The following NME9 variants were observed in gnomAD, a reference collection of about 807,000 sequenced individuals.
NME9 encodes thioredoxin domain-containing protein 6.
In NME9, 48 loss-of-function variants were observed where a neutral mutation model predicts 44.4. That is an observed-to-expected ratio of 1.08 (90% CI 0.86 to 1.37). The LOEUF (loss-of-function observed/expected upper bound fraction) is 1.37, where lower values mean the gene tolerates loss of function less well. Among genes scored for constraint, NME9 ranks in the 40% most tolerant of loss-of-function variants. The pLI, the probability that NME9 is intolerant of heterozygous loss-of-function variation, is 0.00. For synonymous variants in NME9, 139 were observed against 147.1 expected (o/e 0.94, Z 0.40); for missense variants, 325 against 405.2 (o/e 0.80, Z 1.70).
At position 138,303,339 on chromosome 3, in the gene NME9, T is replaced by C. The variant is rs2051976894; in HGVS notation, c.928+168A>G. On this transcript the variant is annotated intron_variant, in intron 10 of 10. Transcript: ENST00000333911. ...TGCTCTATGAGAACACAAAACAGTT[T>C]AGTATTGATAATCAAGTTATATAAT... The C allele has an allele frequency of 1.2e-5, 6 of 511,310 alleles. No homozygotes were observed. In the East Asian group the frequency reaches 1.7e-4, roughly 14 times the overall value. 31.7% of individuals were successfully genotyped at this position (511,310 alleles called of 1,614,324 possible). A position where few individuals can be genotyped will look rare whatever the true frequency, so the allele number is the denominator to read the frequency against.
At chr3:138,284,573 T>TTG in intron 8 of NME9, 4 of 1,368,534 alleles carry the variant, frequency 2.9e-6, no homozygotes, top group Non-Finnish European at 4.2e-6. Context: ...GCAGGGACTG[T>TTG]TGCATTTTTA....
At chr3:138,325,274 C>G (rs139693574) in intron 1 of NME9, among the ~76,000 whole-genome samples, 162 of 152,272 alleles carry the variant, frequency 1.1e-3, no homozygotes, top group African/African-American at 3.5e-3. Context: ...CACTCAGTAT[C>G]AGAATTAAGT....
intron 8 of NME9, chr3:138,272,947 A>G (rs760137533): frequency 1.3e-6 from 2 of 1,512,108 alleles, no homozygotes; most frequent in East Asian, 4.7e-5. Flanking sequence ...TGATTCTTGC[A>G]ACTTCTTTAA....
At chr3:138,289,462 G>GT (rs1363269397) in intron 8 of NME9, among the ~76,000 whole-genome samples, 22 of 152,326 alleles carry the variant, frequency 1.4e-4, no homozygotes, top group African/African-American at 4.8e-4. Context: ...TGAGCCTTTC[G>GT]TTTTGAGCAG....
chr3:138,299,520 T>A (rs551073976), downstream of NME9, among the ~76,000 whole-genome samples: 18 of 152,002 alleles, frequency 1.2e-4, no homozygotes, highest in African/African-American at 4.3e-4. Context: ...CCTCTGGGAG[T>A]GGGCTGATAT....
intron 8 of NME9, among the ~76,000 whole-genome samples, chr3:138,268,711 G>A (rs1272559524): frequency 6.6e-6 from 1 of 152,010 alleles, no homozygotes; most frequent in Non-Finnish European, 1.5e-5. Flanking sequence ...GGGAATTTGA[G>A]GTTGCAATGA....
chr3:138,274,177 A>G (rs1210941102), intron 8 of NME9, among the ~76,000 whole-genome samples: 6 of 151,590 alleles, frequency 4.0e-5, no homozygotes, highest in Admixed American at 1.3e-4. Flanking sequence ...TTGTGCTTTC[A>G]TATTCTGTCA....
intron 8 of NME9, among the ~76,000 whole-genome samples, chr3:138,282,049 G>GC (rs899653761): frequency 1.2e-4 from 19 of 152,278 alleles, no homozygotes; most frequent in Middle Eastern, 3.4e-3. Context: ...TCCATGTGCT[G>GC]CCCCCGCTCC....
rs554313750 is a variant in NME9 at position 138,292,220 on chromosome 3, A to G, written c.745+11287T>C. On this transcript the variant is annotated intron_variant, in intron 8 of 8. Transcript: ENST00000317876. Reference sequence around the variant, plus strand: ...GCCCAGCTAATTTTTTTGTATTTTTAGTAGAGACAGGGTTTTACCATGTTG... The same window carrying G: ...GCCCAGCTAATTTTTTTGTATTTTTGGTAGAGACAGGGTTTTACCATGTTG... Among the ~76,000 whole-genome samples, 65 of 152,202 alleles carry G rather than the reference A, an allele frequency of 4.3e-4. 1 individual carries two copies. Among genetic ancestry groups the G allele is most frequent in the African/African-American group, 1.3e-3 (55 of 41,528 alleles).
At chr3:138,308,267 C>T (rs565548580) in intron 6 of NME9, among the ~76,000 whole-genome samples, 18 of 152,250 alleles carry the variant, frequency 1.2e-4, no homozygotes, top group Admixed American at 3.3e-4. Context: ...AATTCTTATT[C>T]TCCACACATG....
At chr3:138,264,415 T>C (rs2048059742) in intron 8 of NME9, among the ~76,000 whole-genome samples, 1 of 114,618 alleles carries the variant, frequency 8.7e-6, no homozygotes, top group African/African-American at 3.5e-5. Context: ...TTTCTTTCTT[T>C]TTTTTTTTTT....
chr3:138,263,957 A>G, intron 8 of NME9: 3 of 978,412 alleles, frequency 3.1e-6, no homozygotes, highest in Non-Finnish European at 4.8e-6. Context: ...AGAGTATATA[A>G]CATTGTCTAA....
At chr3:138,318,018 T>C in intron 4 of NME9, 130 bp downstream of exon 4, 1 of 676,146 alleles carries the variant, frequency 1.5e-6, no homozygotes, top group Non-Finnish European at 2.7e-6. Context: ...ATCACTTGTT[T>C]GAATCTGTGA....
intron 6 of NME9, among the ~76,000 whole-genome samples, chr3:138,310,700 T>A (rs1337241952): frequency 6.6e-6 from 1 of 152,204 alleles, no homozygotes; most frequent in Non-Finnish European, 1.5e-5. Flanking sequence ...GGGAAATTTT[T>A]AATTTCTTGA....
At chr3:138,275,538 G>A (rs1383022201) in intron 8 of NME9, among the ~76,000 whole-genome samples, 6 of 152,106 alleles carry the variant, frequency 3.9e-5, no homozygotes, top group African/African-American at 1.2e-4. Context: ...CGACCTGGGC[G>A]GAAGAGCGAG....
intron 8 of NME9, among the ~76,000 whole-genome samples, chr3:138,274,052 A>G (rs1195673661): frequency 1.3e-5 from 2 of 152,118 alleles, no homozygotes; most frequent in Admixed American, 6.6e-5. Flanking sequence ...TCCTGCCCTC[A>G]GGTGATTGGC....
At chr3:138,287,749 A>G (rs1427954301) in intron 8 of NME9, 1 of 455,614 alleles carries the variant, frequency 2.2e-6, no homozygotes, top group Non-Finnish European at 4.4e-6. Context: ...CTTAGTTGAA[A>G]TATAGTCCTA....
chr3:138,329,718 A>T lies in NME9; in HGVS notation c.-383T>A. 1 of 1,098,012 alleles carries T rather than the reference A, an allele frequency of 9.1e-7. No individual in the cohort carries two copies. Among genetic ancestry groups the T allele is most frequent in the Non-Finnish European group, 1.1e-6 (1 of 900,188 alleles). 68.0% of individuals were successfully genotyped at this position (1,098,012 alleles called of 1,614,324 possible). ...CGAGGAATTCTGACAAAAAAACGAC[A>T]TGGGACCCTGTTATCCCTGCTGTTC... On this transcript the variant is annotated 5_prime_UTR_variant, in exon 1 of 11. An upstream start codon of the reference 5' UTR is lost. Transcript: ENST00000333911.
intron 5 of NME9, among the ~76,000 whole-genome samples, chr3:138,315,089 G>T (rs1025943274): frequency 6.6e-6 from 1 of 152,194 alleles, no homozygotes; most frequent in African/African-American, 2.4e-5. Flanking sequence ...GATAATGACA[G>T]ACCTTAATTT....
Sources: allele counts gnomAD v4.1 joint callset (sites outside exome capture counted in the v4.1 genomes callset), GRCh38; gene constraint gnomAD v4.1.1; transcripts MANE v1.5; gene names NCBI Gene and HGNC (gene_info 2026-07-23, HGNC 2026-07-21).